ASCC3: variants seen among roughly 807,000 people sequenced by gnomAD.
ASCC3 encodes the protein ASC-1 complex subunit P200.
A neutral mutation model predicts 256.3 loss-of-function variants in ASCC3; 158 were observed. The ratio of observed to expected loss-of-function variants is 0.62; its 90% confidence interval spans 0.54 to 0.70. ASCC3 has a LOEUF of 0.70. Among genes scored for constraint, ASCC3 ranks in the 30% least tolerant of loss-of-function variants. ASCC3 has a pLI of 0.00. For missense variants in ASCC3, 2,259 were observed against 2,626.0 expected (o/e 0.86, Z 3.05); for synonymous variants, 948 against 883.4 (o/e 1.07, Z -1.30).
At chr6:100,582,619 C>G (rs965034291) in intron 36 of ASCC3, among the ~76,000 whole-genome samples, 3 of 152,024 alleles carry the variant, frequency 2.0e-5, no homozygotes, top group Admixed American at 6.6e-5. Flanking sequence ...ACTTCCAACA[C>G]TATGTTGAAT....
chr6:100,766,780 G>A, intron 9 of ASCC3, 75 bp from the exon 10 acceptor site: 2 of 1,546,730 alleles, frequency 1.3e-6, no homozygotes, highest in South Asian at 2.3e-5. Flanking sequence ...GCCAATACAA[G>A]TCACAATTTA....
At chr6:100,857,607 T>C (rs1235623940) in intron 3 of ASCC3, 1 of 151,976 alleles carries the variant, frequency 6.6e-6, no homozygotes, top group Non-Finnish European at 1.5e-5. Flanking sequence ...ACTGAAAAAA[T>C]AGCCTTGTCT....
At chr6:100,569,279 G>C (rs1468503777) in intron 36 of ASCC3, among the ~76,000 whole-genome samples, 1 of 151,980 alleles carries the variant, frequency 6.6e-6, no homozygotes, top group Non-Finnish European at 1.5e-5. Flanking sequence ...GTGACTGTAG[G>C]TGTGTGGCTT....
chr6:100,623,153 C>T (rs1429918440), intron 30 of ASCC3, among the ~76,000 whole-genome samples: 1 of 151,852 alleles, frequency 6.6e-6, no homozygotes. Flanking sequence ...TATGATACTA[C>T]CTTAGACACA....
chr6:100,719,329 A>G (rs569452525), intron 11 of ASCC3, among the ~76,000 whole-genome samples: 12 of 152,242 alleles, frequency 7.9e-5, no homozygotes. Context: ...TAATCACCAG[A>G]CCTATTTTTA....
chr6:100,640,019 GC>G (rs1436629834), intron 24 of ASCC3, among the ~76,000 whole-genome samples: 1 of 152,126 alleles, frequency 6.6e-6, no homozygotes, highest in African/African-American at 2.4e-5. Flanking sequence ...GGAGGCTGAG[GC>G]AGGAGAATCG....
intron 37 of ASCC3, chr6:100,530,138 C>A: frequency 1.8e-6 from 1 of 558,570 alleles, no homozygotes; most frequent in Non-Finnish European, 3.2e-6. Flanking sequence ...TGTACACTGT[C>A]ACATTTCTCT....
intron 4 of ASCC3, among the ~76,000 whole-genome samples, chr6:100,812,662 G>A (rs150624585): frequency 2.6e-5 from 4 of 152,200 alleles, no homozygotes; most frequent in African/African-American, 9.6e-5. Flanking sequence ...AGGAATGGCG[G>A]CTCCTACCTG....
intron 12 of ASCC3, among the ~76,000 whole-genome samples, chr6:100,715,923 C>T (rs1211391861): frequency 2.0e-5 from 3 of 151,700 alleles, no homozygotes; most frequent in Admixed American, 2.0e-4. Context: ...TAGAGCACAC[C>T]TTTCCTGTAT....
At position 100,798,848 on chromosome 6, in the gene ASCC3, T is replaced by A; in HGVS notation, c.1270-10A>T. 4 of 1,604,654 alleles carry A rather than the reference T, an allele frequency of 2.5e-6. No individual in the cohort carries two copies. Among genetic ancestry groups the A allele is most frequent in the Non-Finnish European group, 3.4e-6 (4 of 1,173,182 alleles). On this transcript the variant is annotated splice_polypyrimidine_tract_variant and intron_variant, in intron 7 of 41. Coordinates refer to ENST00000369162, the MANE Select transcript of ASCC3 (RefSeq NM_006828.4). ...CTTCTGGCAAAATCATCTATAAACA[T>A]CAACAATAAAAATCCAATAATAATA...
chr6:100,722,497 A>G (rs555464363), intron 11 of ASCC3, among the ~76,000 whole-genome samples: 4 of 151,858 alleles, frequency 2.6e-5, no homozygotes, highest in African/African-American at 7.2e-5. Context: ...AACTTGTTGC[A>G]TATCTTTTCA....
At chr6:100,778,528 T>C (rs2114253350) in intron 8 of ASCC3, among the ~76,000 whole-genome samples, 1 of 152,272 alleles carries the variant, frequency 6.6e-6, no homozygotes, top group South Asian at 2.1e-4. Flanking sequence ...CTTCTTTTTG[T>C]CAATTAGGGT....
At chr6:100,606,593 C>T (rs1772900074) in intron 32 of ASCC3, 147 bp downstream of exon 32, 2 of 876,526 alleles carry the variant, frequency 2.3e-6, no homozygotes, top group Admixed American at 6.4e-5. Context: ...TAACTGAAAA[C>T]AAAAAGTCTA....
At chr6:100,654,248 T>C (rs1775813579) in intron 17 of ASCC3, among the ~76,000 whole-genome samples, 1 of 148,878 alleles carries the variant, frequency 6.7e-6, no homozygotes, top group African/African-American at 2.5e-5. Flanking sequence ...TGTTAGTTCA[T>C]AAGAGTTTTG....
chr6:100,727,532 A>T (rs992649146), intron 10 of ASCC3, among the ~76,000 whole-genome samples: 4 of 151,972 alleles, frequency 2.6e-5, no homozygotes, highest in African/African-American at 9.7e-5. Flanking sequence ...AAATGCAAAG[A>T]TTCAAGAAGG....
At chr6:100,583,398 T>C (rs1194284149) in intron 36 of ASCC3, among the ~76,000 whole-genome samples, 1 of 151,410 alleles carries the variant, frequency 6.6e-6, no homozygotes, top group Non-Finnish European at 1.5e-5. Context: ...TATTCTCTGA[T>C]GGTAGTGTTG....
intron 36 of ASCC3, among the ~76,000 whole-genome samples, chr6:100,556,606 C>A (rs1414081857): frequency 6.6e-6 from 1 of 152,018 alleles, no homozygotes; most frequent in Non-Finnish European, 1.5e-5. Context: ...CTGTGGAGGA[C>A]CTTGACAGCC....
intron 8 of ASCC3, among the ~76,000 whole-genome samples, chr6:100,788,661 G>A (rs1288910644): frequency 6.6e-6 from 1 of 151,808 alleles, no homozygotes; most frequent in Non-Finnish European, 1.5e-5. Flanking sequence ...CAATATGGAT[G>A]AATGTCTAAT....
chr6:100,509,836 A>T, intron 41 of ASCC3, 96 bp downstream of exon 41: 2 of 1,244,140 alleles, frequency 1.6e-6, no homozygotes, highest in East Asian at 4.8e-5. Context: ...TGCAGTGAGC[A>T]GAGATCGCGC....
Sources: allele counts gnomAD v4.1 joint callset (sites outside exome capture counted in the v4.1 genomes callset), GRCh38; gene constraint gnomAD v4.1.1; transcripts MANE v1.5; gene names NCBI Gene and HGNC (gene_info 2026-07-23, HGNC 2026-07-21).